Variants in SGCD observed in about 807,000 individuals in gnomAD.
The protein encoded by SGCD is sarcoglycan delta.
In SGCD, 18 loss-of-function variants were observed where a neutral mutation model predicts 36.6. That is an observed-to-expected ratio of 0.49 (90% CI 0.34 to 0.73). The LOEUF (loss-of-function observed/expected upper bound fraction) is 0.73. SGCD is among the 30% of genes least tolerant of loss of function. SGCD has a pLI of 0.01. For synonymous variants in SGCD, 133 were observed against 130.6 expected (o/e 1.02, Z -0.12); for missense variants, 387 against 346.7 (o/e 1.12, Z -0.92).
intron 1 of SGCD, among the ~76,000 whole-genome samples, chr5:155,960,479 G>A (rs1330913229): frequency 6.6e-6 from 1 of 151,968 alleles, no homozygotes; most frequent in African/African-American, 2.4e-5. Context: ...CAATTTCATG[G>A]TCCCCTCTGA....
At chr5:155,744,244 G>A in the SGCD span, among the ~76,000 whole-genome samples, 2 of 152,162 alleles carry the variant, frequency 1.3e-5, no homozygotes, top group African/African-American at 2.4e-5. Context: ...GGCAGATCAC[G>A]AGGTCAGGAG....
chr5:156,056,659 A>AAC (rs1561699625), intron 1 of SGCD, among the ~76,000 whole-genome samples: 1 of 142,000 alleles, frequency 7.0e-6, no homozygotes, highest in African/African-American at 2.6e-5. Context: ...AAAAAAAAAA[A>AAC]AAAAAACAGT....
intron 6 of SGCD, among the ~76,000 whole-genome samples, chr5:156,602,673 G>T (rs1193735095): frequency 6.6e-6 from 1 of 152,110 alleles, no homozygotes; most frequent in Non-Finnish European, 1.5e-5. Context: ...TCTGTCAAAT[G>T]CTTCTTCTGA....
chr5:156,224,131 A>G (rs989067441), intron 3 of SGCD, among the ~76,000 whole-genome samples: 13 of 151,974 alleles, frequency 8.6e-5, no homozygotes, highest in Admixed American at 7.2e-4. Flanking sequence ...TTTAGTCCAC[A>G]TAGTTACAGT....
Position 156,208,740 on chromosome 5 carries a change from G to A in SGCD, c.-44+84721G>A, listed in dbSNP as rs571021587. The stretch of plus-strand genomic sequence containing the variant: ...CTTTGTGCTTATATTCTTCTGCTCT[G>A]GTGCTCTTAGTTCCGTAAAGACAAA... On this transcript the variant is annotated intron_variant, in intron 3 of 9. Coordinates refer to the SGCD transcript ENST00000517913. Among the ~76,000 whole-genome samples, 5 of 152,054 alleles carry A rather than the reference G, an allele frequency of 3.3e-5. No homozygotes were observed. In the South Asian group the frequency reaches 1.0e-3, roughly 32 times the overall value.
chr5:156,336,532 T>C (rs1364506889), intron 2 of SGCD, among the ~76,000 whole-genome samples: 1 of 152,252 alleles, frequency 6.6e-6, no homozygotes, highest in Non-Finnish European at 1.5e-5. Flanking sequence ...ACAGTCTAGC[T>C]ATTTTTTTTT....
At chr5:156,690,465 G>C (rs1754066818) in intron 7 of SGCD, among the ~76,000 whole-genome samples, 1 of 152,110 alleles carries the variant, frequency 6.6e-6, no homozygotes, top group African/African-American at 2.4e-5. Flanking sequence ...CTAAGCTTTG[G>C]TTTGTATGCT....
intron 3 of SGCD, among the ~76,000 whole-genome samples, chr5:156,241,382 T>G (rs563613234): frequency 6.6e-6 from 1 of 152,268 alleles, no homozygotes; most frequent in Admixed American, 6.5e-5. Flanking sequence ...TTAATTCCAG[T>G]ATTAGAGAAT....
At chr5:156,107,932 G>A (rs1761689078) in intron 1 of SGCD, among the ~76,000 whole-genome samples, 1 of 152,114 alleles carries the variant, frequency 6.6e-6, no homozygotes, top group South Asian at 2.1e-4. Context: ...GAACACAGTT[G>A]CCTCTTGGTA....
the SGCD span, among the ~76,000 whole-genome samples, chr5:155,737,313 C>T: frequency 6.6e-6 from 1 of 152,174 alleles, no homozygotes; most frequent in Non-Finnish European, 1.5e-5. Context: ...ATAACACTTA[C>T]CCTTACTATG....
chr5:155,954,636 T>A (rs1341121771), intron 1 of SGCD, among the ~76,000 whole-genome samples: 1 of 151,986 alleles, frequency 6.6e-6, no homozygotes, highest in Non-Finnish European at 1.5e-5. Flanking sequence ...TCTGTTCTTT[T>A]GATAGAGGTA....
rs574473729 is a variant in SGCD at position 156,187,139 on chromosome 5, G to A, written c.-44+63120G>A. ...TAGATTAGTTCTACAACAAAACCCAGTATAAACAGGATAATAGAGATAATC... is the reference window on the plus strand; with the variant it reads ...TAGATTAGTTCTACAACAAAACCCAATATAAACAGGATAATAGAGATAATC... On this transcript the variant is annotated intron_variant, in intron 3 of 9. Coordinates refer to the SGCD transcript ENST00000517913. Among the ~76,000 whole-genome samples the A allele has an allele frequency of 3.9e-5, 6 of 152,224 alleles. No homozygotes were observed. In the South Asian group the frequency reaches 1.0e-3, roughly 26 times the overall value.
intron 1 of SGCD, among the ~76,000 whole-genome samples, chr5:156,046,868 T>G (rs6556357): frequency 0.11 from 17,398 of 152,180 alleles, 2,797 homozygotes; most frequent in African/African-American, 0.36. Context: ...GGAAGGCATG[T>G]CTAAAGCCAG....
intron 7 of SGCD, chr5:156,739,877 C>T (rs943287778): frequency 6.6e-6 from 1 of 152,196 alleles, no homozygotes; most frequent in African/African-American, 2.4e-5. Flanking sequence ...GGAACTGGTA[C>T]TAGATACCAG....
chr5:156,584,008 AG>A (rs1760390227), intron 4 of SGCD, among the ~76,000 whole-genome samples: 1 of 152,228 alleles, frequency 6.6e-6, no homozygotes, highest in African/African-American at 2.4e-5. Flanking sequence ...GAACTAGGAA[AG>A]GAAAGGATTT....
At chr5:156,189,176 T>C (rs957443275) in intron 3 of SGCD, among the ~76,000 whole-genome samples, 3 of 152,186 alleles carry the variant, frequency 2.0e-5, no homozygotes, top group African/African-American at 7.2e-5. Context: ...AAACCTAACA[T>C]GTTACCTCTT....
intron 3 of SGCD, among the ~76,000 whole-genome samples, chr5:156,187,204 T>A (rs532775048): frequency 6.6e-6 from 1 of 152,252 alleles, no homozygotes; most frequent in African/African-American, 2.4e-5. Context: ...AGGAAAAAGA[T>A]CCTTCATTCT....
intron 7 of SGCD, among the ~76,000 whole-genome samples, chr5:156,752,616 A>T (rs1481285928): frequency 6.6e-6 from 1 of 151,996 alleles, no homozygotes; most frequent in Admixed American, 6.5e-5. Context: ...CTGGTCTCGA[A>T]CTCCTGACCT....
At chr5:156,022,687 G>A (rs1249671372) in intron 1 of SGCD, among the ~76,000 whole-genome samples, 2 of 152,168 alleles carry the variant, frequency 1.3e-5, no homozygotes, top group African/African-American at 4.8e-5. Flanking sequence ...AAAGGAATAT[G>A]TGAGGCAAGT....
Sources: allele counts gnomAD v4.1 joint callset (sites outside exome capture counted in the v4.1 genomes callset), GRCh38; gene constraint gnomAD v4.1.1; transcripts MANE v1.5; gene names NCBI Gene and HGNC (gene_info 2026-07-23, HGNC 2026-07-21).